The following SCFD2 variants were observed in gnomAD, a reference collection of about 807,000 sequenced individuals.
SCFD2 encodes the protein sec1 family domain containing 2.
SCFD2 carries 54 observed loss-of-function variants against 58.9 expected under a neutral mutation model. That is an observed-to-expected ratio of 0.92 (90% confidence interval 0.74 to 1.15). The LOEUF (loss-of-function observed/expected upper bound fraction) is 1.15. SCFD2 is among the 50% of genes most tolerant of loss of function. The probability of loss-of-function intolerance (pLI) is 0.00; values close to 1 mark genes in which losing one functional copy is unlikely to be tolerated. For missense variants in SCFD2, 805 were observed against 836.6 expected (o/e 0.96, Z 0.47); for synonymous variants, 321 against 335.9 (o/e 0.96, Z 0.49).
At chr4:53,319,540 T>TC (rs1358490361) in intron 2 of SCFD2, among the ~76,000 whole-genome samples, 1 of 93,230 alleles carries the variant, frequency 1.1e-5, no homozygotes, top group Non-Finnish European at 2.4e-5. Flanking sequence ...ACTTTTTTTC[T>TC]TTTTTTTTTT....
At chr4:53,266,980 C>A (rs1363924805) in intron 4 of SCFD2, among the ~76,000 whole-genome samples, 3 of 152,210 alleles carry the variant, frequency 2.0e-5, no homozygotes, top group African/African-American at 7.2e-5. Flanking sequence ...GTAAGTCCAA[C>A]ACAAATCTTA....
intron 5 of SCFD2, among the ~76,000 whole-genome samples, chr4:53,064,817 G>T (rs1452038221): frequency 6.6e-6 from 1 of 152,040 alleles, no homozygotes; most frequent in Non-Finnish European, 1.5e-5. Context: ...TTCCTCATCT[G>T]AAAAAACAGG....
At chr4:53,114,138 T>G (rs150551058) in intron 5 of SCFD2, among the ~76,000 whole-genome samples, 254 of 152,242 alleles carry the variant, frequency 1.7e-3, no homozygotes, top group African/African-American at 5.7e-3. Context: ...TAATTGTACA[T>G]ATCTCATCGG....
chr4:53,237,766 G>A (rs1272825461), intron 4 of SCFD2, among the ~76,000 whole-genome samples: 4 of 98,170 alleles, frequency 4.1e-5, no homozygotes, highest in Non-Finnish European at 6.4e-5. Flanking sequence ...TGGCCGGGCG[G>A]GGGGCTGACC....
chr4:53,326,403 A>G (rs1433033532), intron 2 of SCFD2, among the ~76,000 whole-genome samples: 1 of 152,174 alleles, frequency 6.6e-6, no homozygotes, highest in Non-Finnish European at 1.5e-5. Flanking sequence ...TCAGCCTCTC[A>G]AAGTGTTGGG....
At position 52,959,471 on chromosome 4, in the gene SCFD2, C is replaced by T. The variant is rs540495063; in HGVS notation, c.1562-38601G>A. Reference sequence around the variant, plus strand: ...TAAGCATATTAAAGTCTGAGAACCCCGTGTACATGATTCCTAAATCTCATC... The same window carrying T: ...TAAGCATATTAAAGTCTGAGAACCCTGTGTACATGATTCCTAAATCTCATC... On this transcript the variant is annotated intron_variant, in intron 5 of 8. Coordinates refer to ENST00000401642, the MANE Select transcript of SCFD2 (RefSeq NM_152540.4). Among the ~76,000 whole-genome samples, 23 of 152,160 alleles carry T rather than the reference C, an allele frequency of 1.5e-4. No individual in the cohort carries two copies. The South Asian group carries it at 2.1e-3, about 14-fold the overall frequency.
intron 5 of SCFD2, among the ~76,000 whole-genome samples, chr4:53,085,621 C>G (rs540775011): frequency 6.6e-6 from 1 of 152,146 alleles, no homozygotes; most frequent in Non-Finnish European, 1.5e-5. Context: ...ATCACATTAT[C>G]TGACTTCAAA....
At chr4:53,056,150 T>G (rs929941838) in intron 5 of SCFD2, among the ~76,000 whole-genome samples, 1 of 146,742 alleles carries the variant, frequency 6.8e-6, no homozygotes, top group Non-Finnish European at 1.5e-5. Flanking sequence ...TTTCAGGTCA[T>G]AGGGGAAGGC....
chr4:52,976,050 T>C (rs1276262388), intron 5 of SCFD2, among the ~76,000 whole-genome samples: 2 of 147,834 alleles, frequency 1.4e-5, no homozygotes, highest in Admixed American at 1.3e-4. Context: ...GGAGGGATAG[T>C]ATTAGGAGAT....
intron 4 of SCFD2, among the ~76,000 whole-genome samples, chr4:53,212,829 T>C (rs1728664251): frequency 2.6e-5 from 4 of 151,972 alleles, no homozygotes; most frequent in Admixed American, 2.0e-4. Flanking sequence ...CAAGTGAACC[T>C]TAACTCATCA....
At chr4:53,364,524 T>G (rs1447574335) in intron 1 of SCFD2, among the ~76,000 whole-genome samples, 1 of 152,256 alleles carries the variant, frequency 6.6e-6, no homozygotes, top group Non-Finnish European at 1.5e-5. Context: ...ACTTAATCTT[T>G]AATACAATGA....
intron 5 of SCFD2, among the ~76,000 whole-genome samples, chr4:52,961,277 G>C (rs1577862117): frequency 6.6e-6 from 1 of 152,038 alleles, no homozygotes. Context: ...CTCCTTTTTG[G>C]GGGGCTGCTT....
intron 5 of SCFD2, among the ~76,000 whole-genome samples, chr4:52,933,559 A>T (rs1239741515): frequency 6.6e-6 from 1 of 152,064 alleles, no homozygotes; most frequent in Non-Finnish European, 1.5e-5. Flanking sequence ...TTGGGCTCAG[A>T]GTGTAGCTCT....
chr4:53,153,962 G>T (rs139933914), intron 4 of SCFD2, among the ~76,000 whole-genome samples: 207 of 152,170 alleles, frequency 1.4e-3, no homozygotes, highest in Admixed American at 3.3e-3. Flanking sequence ...TCATCAGCCT[G>T]GGCCATCACT....
At chr4:52,886,620 G>T (rs1718747766) in intron 7 of SCFD2, among the ~76,000 whole-genome samples, 1 of 152,220 alleles carries the variant, frequency 6.6e-6, no homozygotes, top group Admixed American at 6.5e-5. Flanking sequence ...GTGGGGCATT[G>T]CTGGCTGTGG....
Position 53,139,423 on chromosome 4 carries a change from T to C in SCFD2, c.1561+5910A>G, listed in dbSNP as rs564412889. Among the ~76,000 whole-genome samples, 122 of 125,060 alleles carry C rather than the reference T, an allele frequency of 9.8e-4. 2 individuals carry two copies. The highest frequency in any genetic ancestry group is 3.0e-3 in the African/African-American group (115 of 37,742). The allele number at this position is 125,060 out of a possible 152,430, so 82.0% of individuals were successfully genotyped here. A position where few individuals can be genotyped will look rare whatever the true frequency, so the allele number is the denominator to read the frequency against. On this transcript the variant is annotated intron_variant, in intron 5 of 8. Coordinates refer to ENST00000401642, the MANE Select transcript of SCFD2 (RefSeq NM_152540.4). ...CCCGGCTGCCGGCCGTCATCCTGTC[T>C]AGGAAGTGAGGAGTGTCTCTGCCCC... is the stretch of plus-strand genomic sequence containing the variant.
chr4:53,199,925 G>A lies in SCFD2; in HGVS notation c.1312-54343C>T, dbSNP rs76205960. On this transcript the variant is annotated intron_variant, in intron 4 of 8. Transcript: ENST00000401642. Reference sequence around the variant, plus strand: ...TGTATTCACATGGCAGAGAGAAGGAGGGAGGCGGGAAGAAGAGCAAGAGAG... The same window carrying A: ...TGTATTCACATGGCAGAGAGAAGGAAGGAGGCGGGAAGAAGAGCAAGAGAG... 8.5e-3 allele frequency among the ~76,000 whole-genome samples: 1,299 copies of A among 152,040 alleles called. 12 individuals are homozygous for A. Among genetic ancestry groups the A allele is most frequent in the African/African-American group, 0.03 (1,236 of 41,492 alleles).
chr4:53,348,028 G>A (rs577480975), intron 2 of SCFD2, among the ~76,000 whole-genome samples: 4 of 152,288 alleles, frequency 2.6e-5, no homozygotes, highest in African/African-American at 9.6e-5. Context: ...TCAACAGGAG[G>A]AAAACATAAA....
chr4:53,212,176 A>G (rs1728633281), intron 4 of SCFD2, among the ~76,000 whole-genome samples: 1 of 152,022 alleles, frequency 6.6e-6, no homozygotes, highest in South Asian at 2.1e-4. Context: ...ACTTAATAGA[A>G]TCCACTGTTG....
Sources: allele counts gnomAD v4.1 joint callset (sites outside exome capture counted in the v4.1 genomes callset), GRCh38; gene constraint gnomAD v4.1.1; transcripts MANE v1.5; gene names NCBI Gene and HGNC (gene_info 2026-07-23, HGNC 2026-07-21).